SLC41A2: variants seen among roughly 807,000 people sequenced by gnomAD.
SLC41A2 encodes the protein solute carrier family 41 member 2.
A neutral mutation model predicts 58.3 loss-of-function variants in SLC41A2; 32 were observed. That is an observed-to-expected ratio of 0.55 (90% CI 0.41 to 0.74). The LOEUF is 0.74. Ranked by LOEUF, SLC41A2 falls within the 30% of genes least tolerant of loss-of-function variation. The probability of loss-of-function intolerance (pLI) is 0.00; values close to 1 mark genes in which losing one functional copy is unlikely to be tolerated. For synonymous variants in SLC41A2, 190 were observed against 235.0 expected, an observed-to-expected ratio of 0.81 and a Z score of 1.75; for missense variants, 514 against 680.6, an observed-to-expected ratio of 0.76 and a Z score of 2.72.
chr12:104,879,679 T>C (rs2044261174), intron 6 of SLC41A2, among the ~76,000 whole-genome samples: 1 of 152,240 alleles, frequency 6.6e-6, no homozygotes, highest in African/African-American at 2.4e-5. Context: ...ACAAGTACTA[T>C]GCTGTTTTGG....
chr12:104,851,288 A>G (rs1043321654), intron 8 of SLC41A2, among the ~76,000 whole-genome samples: 1 of 152,204 alleles, frequency 6.6e-6, no homozygotes, highest in African/African-American at 2.4e-5. Flanking sequence ...ATGTCCAGAA[A>G]CTGTATAGAT....
intron 7 of SLC41A2, among the ~76,000 whole-genome samples, chr12:104,863,777 A>G (rs1282438198): frequency 6.6e-6 from 1 of 152,170 alleles, no homozygotes; most frequent in Non-Finnish European, 1.5e-5. Context: ...TATTATAACA[A>G]CAGAAATTTC....
chr12:104,927,807 C>A (rs1425708103), intron 2 of SLC41A2, among the ~76,000 whole-genome samples, 166 bp downstream of exon 2: 2 of 151,932 alleles, frequency 1.3e-5, no homozygotes, highest in Non-Finnish European at 2.9e-5. Flanking sequence ...AAGAAAAACT[C>A]CCACCTAGAA....
rs1200035430 is a variant in SLC41A2, at chr12:104,844,497, A to C, written c.1511T>G (p.Val504Gly). ...HTSLTIIFIVVYLFGAVLQVF... is the reference protein window; with the variant it reads ...HTSLTIIFIVGYLFGAVLQVF... ...CTGTAACACAGCGCCAAATAAATACACTACTATGAAGATTATAGTTAAAGA... is the reference window on the plus strand; with the variant it reads ...CTGTAACACAGCGCCAAATAAATACCCTACTATGAAGATTATAGTTAAAGA... Residue 504 changes from valine to glycine, a missense_variant, in exon 10 of 11, where the codon GTG (valine) becomes GGG (glycine). Coordinates refer to ENST00000258538, the MANE Select transcript of SLC41A2 (RefSeq NM_001352171.3). The C allele has an allele frequency of 6.6e-7, 1 of 1,512,930 alleles. No homozygotes were observed. Among genetic ancestry groups the C allele is most frequent in the Admixed American group, 2.3e-5 (1 of 44,444 alleles). The allele number at this position is 1,512,930 out of a possible 1,614,324, so 93.7% of individuals were successfully genotyped here. A position where few individuals can be genotyped will look rare whatever the true frequency, so the allele number is the denominator to read the frequency against.
At chr12:104,926,674 T>C (rs1256999093) in intron 2 of SLC41A2, among the ~76,000 whole-genome samples, 1 of 151,598 alleles carries the variant, frequency 6.6e-6, no homozygotes, top group African/African-American at 2.4e-5. Flanking sequence ...CAAAAAATAA[T>C]TCACAGAAAA....
chr12:104,942,476 CAA>C (rs34008453), intron 1 of SLC41A2, among the ~76,000 whole-genome samples: 5 of 131,488 alleles, frequency 3.8e-5, no homozygotes, highest in Non-Finnish European at 3.3e-5. Context: ...AGATCTTGTC[CAA>C]AAAAAAAAAA....
intron 4 of SLC41A2, among the ~76,000 whole-genome samples, chr12:104,894,338 G>C (rs1167654208): frequency 6.7e-6 from 1 of 149,622 alleles, no homozygotes; most frequent in Non-Finnish European, 1.5e-5. Flanking sequence ...GGGCAACAGA[G>C]CAAGACCCTG....
intron 5 of SLC41A2, 60 bp downstream of exon 5, chr12:104,888,973 T>C: frequency 6.9e-7 from 1 of 1,439,458 alleles, no homozygotes; most frequent in Non-Finnish European, 9.2e-7. Flanking sequence ...ATAGTCATCT[T>C]AAGAAATAAA....
At chr12:104,907,647 G>A (rs2045911069) in intron 3 of SLC41A2, among the ~76,000 whole-genome samples, 1 of 152,154 alleles carries the variant, frequency 6.6e-6, no homozygotes, top group African/African-American at 2.4e-5. Flanking sequence ...AATTCTGACA[G>A]AGTTACCCTG....
intron 10 of SLC41A2, among the ~76,000 whole-genome samples, chr12:104,821,531 G>A (rs962500442): frequency 2.6e-5 from 4 of 152,048 alleles, no homozygotes; most frequent in Non-Finnish European, 2.9e-5. Flanking sequence ...TGGTAGTCCC[G>A]CTAAATATAG....
At chr12:104,911,225 C>G (rs1237366614) in intron 2 of SLC41A2, among the ~76,000 whole-genome samples, 1 of 152,168 alleles carries the variant, frequency 6.6e-6, no homozygotes, top group Non-Finnish European at 1.5e-5. Context: ...CTGCCTGTAA[C>G]TTCTGTCCCC....
chr12:104,828,208 G>A (rs747455498), intron 10 of SLC41A2, among the ~76,000 whole-genome samples: 3 of 152,204 alleles, frequency 2.0e-5, no homozygotes, highest in Non-Finnish European at 2.9e-5. Flanking sequence ...GCAGGCCATC[G>A]ACTGGCAGAA....
intron 1 of SLC41A2, among the ~76,000 whole-genome samples, chr12:104,945,019 AAATT>A (rs1316011372): frequency 6.6e-6 from 1 of 151,686 alleles, no homozygotes; most frequent in Admixed American, 6.6e-5. Flanking sequence ...AAAAATACAA[AAATT>A]AGGCAGGCGT....
intron 8 of SLC41A2, among the ~76,000 whole-genome samples, chr12:104,847,185 G>T (rs902006267): frequency 2.0e-5 from 3 of 151,888 alleles, no homozygotes; most frequent in Admixed American, 2.0e-4. Context: ...TATGGGAAAA[G>T]ATATATCATG....
intron 8 of SLC41A2, among the ~76,000 whole-genome samples, chr12:104,854,063 A>G (rs557053117): frequency 9.9e-5 from 15 of 151,654 alleles, no homozygotes; most frequent in Middle Eastern, 6.8e-3. Context: ...CTCAGCCTAG[A>G]TTATACATTC....
In SLC41A2 at chr12:104,928,561, T is replaced by C; in HGVS notation, c.-34A>G. 2.2e-6 allele frequency: 3 copies of C among 1,376,088 alleles called. No individual in the cohort carries two copies. Among genetic ancestry groups the C allele is most frequent in the Non-Finnish European group, 2.9e-6 (3 of 1,046,036 alleles). 85.2% of individuals were successfully genotyped at this position (1,376,088 alleles called of 1,614,324 possible). On this transcript the variant is annotated 5_prime_UTR_variant, in exon 2 of 11. Transcript: ENST00000258538. ...CACAAAAGACCCTGTACTCCTTAGA[T>C]CTCAAGCTTCGGGAACCACAGCAGA...
chr12:104,871,056 C>T (rs1305526686), intron 6 of SLC41A2, among the ~76,000 whole-genome samples: 1 of 152,172 alleles, frequency 6.6e-6, no homozygotes, highest in Non-Finnish European at 1.5e-5. Context: ...AACCAGGTGG[C>T]ATCCTTGTTA....
intron 6 of SLC41A2, among the ~76,000 whole-genome samples, chr12:104,878,380 G>A (rs949260595): frequency 2.0e-5 from 3 of 149,566 alleles, no homozygotes; most frequent in African/African-American, 4.9e-5. Flanking sequence ...TGTTACATAC[G>A]TATACATGTG....
At chr12:104,827,123 T>A (rs2041873394) in intron 10 of SLC41A2, among the ~76,000 whole-genome samples, 1 of 152,214 alleles carries the variant, frequency 6.6e-6, no homozygotes, top group South Asian at 2.1e-4. Flanking sequence ...AGAATCCCAC[T>A]GCCTTCCTGG....
Sources: gnomAD v4.1 joint callset for allele counts (sites outside exome capture counted in the v4.1 genomes callset) on GRCh38, gnomAD v4.1.1 for gene constraint, MANE v1.5 for transcripts, NCBI Gene and HGNC (gene_info 2026-07-23, HGNC 2026-07-21) for gene names.